Variants in PPP1R13B observed in about 807,000 individuals in gnomAD.
PPP1R13B encodes the protein protein phosphatase 1 regulatory subunit 13B.
Under a neutral mutation model 119.8 loss-of-function variants are expected in PPP1R13B, and 44 were observed. The ratio of observed to expected loss-of-function variants is 0.37; its 90% CI spans 0.29 to 0.47. The LOEUF is 0.47. PPP1R13B is among the 20% of genes least tolerant of loss of function. The pLI, the probability that PPP1R13B is intolerant of heterozygous loss-of-function variation, is 0.99. For missense variants in PPP1R13B, 1,227 were observed against 1,413.5 expected (o/e 0.87, Z 2.12); for synonymous variants, 542 against 561.5 (o/e 0.97, Z 0.49).
upstream of PPP1R13B, chr14:103,847,780 G>A (rs2087102804): frequency 9.4e-6 from 3 of 317,496 alleles, no homozygotes; most frequent in African/African-American, 2.2e-5. Flanking sequence ...GCGGGGGAGG[G>A]GCGGACGCGC....
chr14:103,745,986 A>G (rs1439062448), intron 9 of PPP1R13B, among the ~76,000 whole-genome samples: 6 of 152,104 alleles, frequency 3.9e-5, no homozygotes, highest in African/African-American at 7.2e-5. Context: ...TCGTAGTTTT[A>G]GTAAAGACAG....
At chr14:103,762,790 G>C (rs933699761) in intron 4 of PPP1R13B, 1 of 766,176 alleles carries the variant, frequency 1.3e-6, no homozygotes, top group African/African-American at 1.7e-5. Flanking sequence ...GGCGGCGGCC[G>C]CCCGCTCCAG....
At chr14:103,848,626 C>T (rs955069507), upstream of PPP1R13B, 15 of 466,966 alleles carry the variant, frequency 3.2e-5, no homozygotes, top group Non-Finnish European at 3.7e-5. Context: ...CCCTGGGAAG[C>T]GCCGGCCCAG....
chr14:103,776,589 C>G (rs1019899468), intron 4 of PPP1R13B, among the ~76,000 whole-genome samples: 34 of 152,144 alleles, frequency 2.2e-4, no homozygotes, highest in African/African-American at 8.2e-4. Flanking sequence ...GAAACTCAAT[C>G]AGGCTGGGCG....
chr14:103,804,223 A>C (rs1252599042), intron 1 of PPP1R13B, among the ~76,000 whole-genome samples: 1 of 152,142 alleles, frequency 6.6e-6, no homozygotes, highest in Non-Finnish European at 1.5e-5. Context: ...AAAACTGACA[A>C]CCATTATTAA....
intron 2 of PPP1R13B, among the ~76,000 whole-genome samples, chr14:103,788,670 C>T (rs2085532244): frequency 1.3e-5 from 2 of 151,416 alleles, no homozygotes; most frequent in Admixed American, 1.3e-4. Flanking sequence ...GAGCGAGACC[C>T]TGTCTCAAAA....
Position 103,733,436 on chromosome 14 carries a change from C to T in PPP1R13B, c.*1718G>A, listed in dbSNP as rs955128211. ...CTTCTGGTCTGCAGTGGAGCCTGTT[C>T]GCCTCTAATAGCCAGTTTACAGCAC... is the stretch of plus-strand genomic sequence containing the variant. On this transcript the variant is annotated 3_prime_UTR_variant, in exon 17 of 17. Coordinates refer to ENST00000202556, the MANE Select transcript of PPP1R13B (RefSeq NM_015316.3). The T allele has an allele frequency of 9.0e-5, 16 of 177,846 alleles. No homozygotes were observed. In the Middle Eastern group the frequency reaches 0.015, roughly 171 times the overall value. 11.0% of individuals were successfully genotyped at this position (177,846 alleles called of 1,614,324 possible).
At chr14:103,758,502 A>G (rs1237543411) in intron 4 of PPP1R13B, among the ~76,000 whole-genome samples, 1 of 152,250 alleles carries the variant, frequency 6.6e-6, no homozygotes, top group Non-Finnish European at 1.5e-5. Context: ...ACTGTTCCTC[A>G]CAGTTCATTA....
intron 1 of PPP1R13B, among the ~76,000 whole-genome samples, chr14:103,818,876 C>T (rs1009758201): frequency 2.0e-5 from 3 of 152,040 alleles, no homozygotes; most frequent in Non-Finnish European, 2.9e-5. Context: ...ATATAGTATA[C>T]TAGGTGGTAC....
At chr14:103,845,947 T>C (rs1378952402) in intron 1 of PPP1R13B, among the ~76,000 whole-genome samples, 1 of 152,216 alleles carries the variant, frequency 6.6e-6, no homozygotes, top group African/African-American at 2.4e-5. Flanking sequence ...GGATACATCA[T>C]CCTATTTGAT....
At chr14:103,846,993 C>A in intron 1 of PPP1R13B, 1 of 1,180,784 alleles carries the variant, frequency 8.5e-7, no homozygotes, top group Non-Finnish European at 1.1e-6. Flanking sequence ...TGTGCCCCAG[C>A]GTCCGACCGC....
At chr14:103,832,104 C>G (rs537987548) in intron 1 of PPP1R13B, among the ~76,000 whole-genome samples, 74 of 149,224 alleles carry the variant, frequency 5.0e-4, no homozygotes, top group Non-Finnish European at 9.2e-4. Flanking sequence ...AAGACCCTAT[C>G]TCTTAAAAAA....
At chr14:103,757,796 A>G (rs770480145) in intron 4 of PPP1R13B, 45 bp from the exon 5 acceptor site, 2 of 1,529,972 alleles carry the variant, frequency 1.3e-6, no homozygotes, top group Admixed American at 1.7e-5. Flanking sequence ...TATCTGCATA[A>G]TTGTCTGTCT....
At chr14:103,823,618 C>G (rs1330364132) in intron 1 of PPP1R13B, among the ~76,000 whole-genome samples, 1 of 152,128 alleles carries the variant, frequency 6.6e-6, no homozygotes, top group Non-Finnish European at 1.5e-5. Flanking sequence ...ACCCCAGAAC[C>G]AAATTTCAAC....
chr14:103,846,434 T>C (rs77139726), intron 1 of PPP1R13B, among the ~76,000 whole-genome samples: 141 of 152,330 alleles, frequency 9.3e-4, no homozygotes, highest in African/African-American at 3.3e-3. Context: ...GTTAAAAAAA[T>C]GACTGTGTTA....
rs1248427486 is a variant in PPP1R13B at position 103,740,597 on chromosome 14, G to C, written c.1823-4C>G. 1 of 1,506,778 alleles carries C rather than the reference G, an allele frequency of 6.6e-7. No individual in the cohort carries two copies. The highest frequency in any genetic ancestry group is 8.9e-7 in the Non-Finnish European group (1 of 1,128,614). 93.3% of individuals were successfully genotyped at this position (1,506,778 alleles called of 1,614,324 possible). On this transcript the variant is annotated splice_polypyrimidine_tract_variant and splice_region_variant and intron_variant, in intron 11 of 16. Transcript: ENST00000202556. The surrounding 1 kb of genome is among the most constrained non-coding windows in gnomAD (Gnocchi z 4.6). ...GGTAAAACGGGCTTACCATACACTG[G>C]GGAAGACACAAAGGACAGGCAATTT...
At chr14:103,822,059 C>G (rs918466853) in intron 1 of PPP1R13B, among the ~76,000 whole-genome samples, 3 of 152,138 alleles carry the variant, frequency 2.0e-5, no homozygotes, top group Admixed American at 1.3e-4. Flanking sequence ...TATATGGAAA[C>G]CCAATACAAA....
intron 5 of PPP1R13B, 113 bp downstream of exon 5, chr14:103,757,537 G>T: frequency 2.2e-6 from 2 of 893,358 alleles, no homozygotes; most frequent in East Asian, 2.5e-5. Flanking sequence ...GCACTCCTAT[G>T]GCATGGTCCT....
chr14:103,818,559 A>T, intron 1 of PPP1R13B: 1 of 892,870 alleles, frequency 1.1e-6, no homozygotes, highest in Non-Finnish European at 1.3e-6. Flanking sequence ...TTTCGTCCTC[A>T]TGGCAACCTC....
Sources: gnomAD v4.1 joint callset for allele counts (sites outside exome capture counted in the v4.1 genomes callset) on GRCh38, gnomAD v4.1.1 for gene constraint, Gnocchi (gnomAD v3.1) non-coding constraint, MANE v1.5 for transcripts, NCBI Gene and HGNC (gene_info 2026-07-23, HGNC 2026-07-21) for gene names.